The following TAGAP variants were observed in gnomAD, a reference collection of about 807,000 sequenced individuals.
TAGAP encodes T cell activation RhoGTPase activating protein.
A neutral mutation model predicts 36.0 loss-of-function variants in TAGAP; 16 were observed. That is an observed-to-expected ratio of 0.44 (90% CI 0.30 to 0.68). TAGAP has a LOEUF of 0.68. Among genes scored for constraint, TAGAP ranks in the 30% least tolerant of loss-of-function variants. The pLI, the probability that TAGAP is intolerant of heterozygous loss-of-function variation, is 0.09. For synonymous variants in TAGAP, 372 were observed against 377.4 expected (o/e 0.99, Z 0.17); for missense variants, 794 against 921.5 (o/e 0.86, Z 1.79).
rs1321637120 is a variant in TAGAP at position 159,044,033 on chromosome 6, T to C, written c.28-2A>G. The C allele has an allele frequency of 6.2e-7, 1 of 1,613,740 alleles. No individual in the cohort carries two copies. The highest frequency in any genetic ancestry group is 1.3e-5 in the African/African-American group (1 of 75,034). On this transcript the variant is annotated splice_acceptor_variant, in intron 2 of 9. Coordinates refer to ENST00000367066, the MANE Select transcript of TAGAP (RefSeq NM_054114.5). LOFTEE classifies it high-confidence loss of function. ...ATTATTGGCGTTTAGTGTTTTTGAC[T>C]AAAAGAGAAAAAATAAAATTAGGTA...
chr6:159,040,125 T>C (rs913046927), intron 7 of TAGAP, among the ~76,000 whole-genome samples: 1 of 152,188 alleles, frequency 6.6e-6, no homozygotes, highest in African/African-American at 2.4e-5. Flanking sequence ...AAAGCTTGGG[T>C]TTTAGAATTC....
rs1779499298 is a variant in TAGAP, at chr6:159,035,596, A to T, written c.*231T>A. 2 of 458,046 alleles carry T rather than the reference A, an allele frequency of 4.4e-6. No homozygotes were observed. Among genetic ancestry groups the T allele is most frequent in the Non-Finnish European group, 3.9e-6 (1 of 256,108 alleles). The allele number at this position is 458,046 out of a possible 1,614,324, so 28.4% of individuals were successfully genotyped here. On this transcript the variant is annotated 3_prime_UTR_variant, in exon 10 of 10. Coordinates refer to ENST00000367066, the MANE Select transcript of TAGAP (RefSeq NM_054114.5). ...GATTATTAGACATCCTTTGCACCTA[A>T]CACCTTATCTATAATACATTTGATA...
At chr6:159,042,451 G>T in intron 4 of TAGAP, 4 of 1,149,306 alleles carry the variant, frequency 3.5e-6, no homozygotes, top group Admixed American at 3.4e-5. Flanking sequence ...TGTTACCAGG[G>T]CAACCAGTTC....
rs73800143 is a variant in TAGAP at position 159,039,718 on chromosome 6, C to T, written c.588-409G>A. ...TGGTTTTCTTGCCTTAAAACAAAGA[C>T]GGAAACAAAACTATAATTACCAAAC... On this transcript the variant is annotated intron_variant, in intron 7 of 9. Transcript: ENST00000367066. Among the ~76,000 whole-genome samples, 837 of 152,218 alleles carry T rather than the reference C, an allele frequency of 5.5e-3. 5 individuals are homozygous for T. Among genetic ancestry groups the T allele is most frequent in the African/African-American group, 0.019 (807 of 41,522 alleles).
chr6:159,036,030 C>G lies in TAGAP; in HGVS notation c.1993G>C (p.Glu665Gln), dbSNP rs762848425. The stretch of plus-strand genomic sequence containing the variant: ...ACAGTTCTGCTCTGTTTCCATCGCT[C>G]AGGCAGGGGAGAGAGTCCGTGGCCA... ...LPGHGLSPLP[E>Q]RWKQSRTVHA... Residue 665 changes from glutamate to glutamine, a missense_variant, in exon 10 of 10, where the codon GAG becomes CAG. Coordinates refer to ENST00000367066, the MANE Select transcript of TAGAP (RefSeq NM_054114.5). The surrounding 1 kb of genome is among the most constrained non-coding windows in gnomAD (Gnocchi z 4.9). 15 of 1,611,550 alleles carry G rather than the reference C, an allele frequency of 9.3e-6. No homozygotes were observed. The highest frequency in any genetic ancestry group is 1.3e-5 in the Non-Finnish European group (15 of 1,177,892).
Position 159,036,969 on chromosome 6 carries a change from C to T in TAGAP, c.1054G>A (p.Glu352Lys). 6.2e-7 allele frequency: 1 copy of T among 1,613,780 alleles called. No individual in the cohort carries two copies. Among genetic ancestry groups the T allele is most frequent in the Non-Finnish European group, 8.5e-7 (1 of 1,179,892 alleles). The change falls in exon 10 of 10, where the codon GAG (glutamate) becomes AAG (lysine). Residue 352 changes from glutamate (E) to lysine (K), a missense_variant. By Grantham distance (56) the Glu-to-Lys change is moderately conservative (BLOSUM62 1). Coordinates refer to ENST00000367066, the MANE Select transcript of TAGAP (RefSeq NM_054114.5). The surrounding 1 kb of genome is among the most constrained non-coding windows in gnomAD (Gnocchi z 4.9). ...LDSAGPQDAR[E>K]VSPEPIVSTV... ...CTCACAATGGGCTCTGGGCTGACCT[C>T]TCGGGCATCCTGTGGGCCCGCGCTA...
rs764367677 is a variant in TAGAP, at chr6:159,041,354, C to T, written c.477G>A (p.Lys159=). 4.3e-6 allele frequency: 7 copies of T among 1,613,182 alleles called. No homozygotes were observed. The East Asian group carries it at 1.1e-4, about 26-fold the overall frequency. The change falls in exon 6 of 10, where the codon AAG becomes AAA. Residue 159 remains lysine, a splice_region_variant and synonymous_variant. Coordinates refer to ENST00000367066, the MANE Select transcript of TAGAP (RefSeq NM_054114.5). This position sits in a 1 kb window ranked among gnomAD's most constrained non-coding sequence, Gnocchi z 4.1. ...TTTGGCGCAAGTGTGTTGAACTCACCTTAAAGACCACAGCGAGGAGGTGCA... is the reference window on the plus strand; with the variant it reads ...TTTGGCGCAAGTGTGTTGAACTCACTTTAAAGACCACAGCGAGGAGGTGCA... ...LPVHLLAVVF[K]DFLRSIPRKL...
At chr6:159,039,687 C>T (rs1010201018) in intron 7 of TAGAP, among the ~76,000 whole-genome samples, 1 of 152,186 alleles carries the variant, frequency 6.6e-6, no homozygotes, top group Non-Finnish European at 1.5e-5. Context: ...TCTAACACGA[C>T]TAGACTGGTT....
intron 4 of TAGAP, among the ~76,000 whole-genome samples, chr6:159,043,209 G>T (rs1779817707): frequency 6.6e-6 from 1 of 152,202 alleles, no homozygotes; most frequent in African/African-American, 2.4e-5. Flanking sequence ...GGTCCTTTGG[G>T]ATTTGAGATC....
intron 7 of TAGAP, among the ~76,000 whole-genome samples, chr6:159,040,174 T>G (rs1210401761): frequency 6.6e-6 from 1 of 152,230 alleles, no homozygotes; most frequent in Admixed American, 6.5e-5. Context: ...TTGCATATGT[T>G]ATTATTTTTA....
rs1032627413 is a variant in TAGAP at position 159,042,186 on chromosome 6, A to G, written c.207T>C (p.Pro69=). 2.2e-5 allele frequency: 35 copies of G among 1,614,096 alleles called. No homozygotes were observed. Among genetic ancestry groups the G allele is most frequent in the Non-Finnish European group, 2.8e-5 (33 of 1,180,048 alleles). Residue 69 remains proline, a synonymous_variant, in exon 5 of 10, where the codon CCT becomes CCC. Transcript: ENST00000367066. ...SWPFLMRRLS[P]ASDFSGALET... ...CCAAAGCCCCAGAAAAATCTGATGC[A>G]GGGGAGAGCCTTCTCATGAGAAAGG...
Position 159,039,016 on chromosome 6 carries a change from G to C in TAGAP, c.783+98C>G. Reference sequence around the variant, plus strand: ...TTTTATATTTTCACTGTGATTCTGAGTCAGTTGGAGACATTCTGAAGCATT... The same window carrying C: ...TTTTATATTTTCACTGTGATTCTGACTCAGTTGGAGACATTCTGAAGCATT... On this transcript the variant is annotated intron_variant, in intron 8 of 9. Transcript: ENST00000367066. 1.9e-6 allele frequency: 3 copies of C among 1,592,252 alleles called. No individual in the cohort carries two copies. The South Asian group carries it at 3.3e-5, about 18-fold the overall frequency.
At position 159,035,646 on chromosome 6, in the gene TAGAP, A is replaced by G; in HGVS notation, c.*181T>C. The G allele has an allele frequency of 1.7e-6, 1 of 579,372 alleles. No homozygotes were observed. Among genetic ancestry groups the G allele is most frequent in the South Asian group, 2.6e-5 (1 of 38,678 alleles). The allele number at this position is 579,372 out of a possible 1,614,324, so 35.9% of individuals were successfully genotyped here. On this transcript the variant is annotated 3_prime_UTR_variant, in exon 10 of 10. Coordinates refer to ENST00000367066, the MANE Select transcript of TAGAP (RefSeq NM_054114.5). ...ACATTTTTACATATTGCACAAATCC[A>G]GGTACACAGAGACTATCTGATGCGC...
In TAGAP at chr6:159,037,156, G is replaced by A; in HGVS notation, c.899-32C>T. On this transcript the variant is annotated intron_variant, in intron 9 of 9. Transcript: ENST00000367066. The surrounding 1 kb of genome is among the most constrained non-coding windows in gnomAD (Gnocchi z 5.1). ...GAAGTCAAGCAGCAGTTGAACATTT[G>A]TTTGGGTTTATTTATTTATTTATTT... 1 of 1,527,056 alleles carries A rather than the reference G, an allele frequency of 6.5e-7. No homozygotes were observed. Among genetic ancestry groups the A allele is most frequent in the Non-Finnish European group, 8.8e-7 (1 of 1,141,390 alleles). The allele number at this position is 1,527,056 out of a possible 1,614,324, so 94.6% of individuals were successfully genotyped here. A position where few individuals can be genotyped will look rare whatever the true frequency, so the allele number is the denominator to read the frequency against.
rs935456871 is a variant in TAGAP at position 159,037,108 on chromosome 6, C to T, written c.915G>A (p.Gln305=). 3.1e-6 allele frequency: 5 copies of T among 1,610,372 alleles called. No homozygotes were observed. The highest frequency in any genetic ancestry group is 1.1e-5 in the South Asian group (1 of 91,026). ...HTDSSDVSTL[Q]NDSAYDSNDP... ...CGTTGCTGTCGTAGGCTGAGTCATT[C>T]TGCAGGGTCGACACATCTGGGGGAA... Residue 305 remains glutamine, a synonymous_variant, in exon 10 of 10, where the codon CAG becomes CAA. Transcript: ENST00000367066. This position sits in a 1 kb window ranked among gnomAD's most constrained non-coding sequence, Gnocchi z 5.1.
At chr6:159,042,604 G>T in intron 4 of TAGAP, 1 of 183,826 alleles carries the variant, frequency 5.4e-6, no homozygotes, top group Admixed American at 5.7e-5. Flanking sequence ...AATAACTATA[G>T]AGGAAATTTC....
In TAGAP at chr6:159,036,351, C is replaced by G; in HGVS notation, c.1672G>C (p.Gly558Arg). Residue 558 changes from glycine (G) to arginine (R), a missense_variant, in exon 10 of 10, where the codon GGG becomes CGG. Coordinates refer to ENST00000367066, the MANE Select transcript of TAGAP (RefSeq NM_054114.5). The surrounding 1 kb of genome is among the most constrained non-coding windows in gnomAD (Gnocchi z 4.9). ...GCTGTTTGGTTGTGGGTTTCACACC[C>G]ATTTTCCTGCACGATTCGGCCGGCA... ...QLAGRIVQEN[G>R]CETHNQTARG... The G allele has an allele frequency of 1.2e-6, 2 of 1,614,010 alleles. No homozygotes were observed. The highest frequency in any genetic ancestry group is 2.2e-5 in the South Asian group (2 of 91,060).
chr6:159,038,072 C>T (rs201081350), intron 9 of TAGAP, 42 bp downstream of exon 9: 5 of 1,372,306 alleles, frequency 3.6e-6, no homozygotes, highest in Non-Finnish European at 5.1e-6. Context: ...CTGGCATGAA[C>T]TTTTCCCTAC....
Position 159,036,772 on chromosome 6 carries a change from C to A in TAGAP, c.1251G>T (p.Glu417Asp). 6.2e-7 allele frequency: 1 copy of A among 1,614,194 alleles called. No homozygotes were observed. Among genetic ancestry groups the A allele is most frequent in the Non-Finnish European group, 8.5e-7 (1 of 1,180,036 alleles). The change falls in exon 10 of 10, where the codon GAG becomes GAT. Residue 417 changes from glutamate to aspartate, a missense_variant. Glu to Asp is a conservative substitution (Grantham distance 45). Transcript: ENST00000367066. The surrounding 1 kb of genome is among the most constrained non-coding windows in gnomAD (Gnocchi z 4.9). ...CCTCCTCTGGAAATGGGTCTTCAGC[C>A]TCCTCACTTTCCAAACGAGAGCCTA... Reference protein sequence around the residue: ...PRVGSRLESEEAEDPFPEEVF... With the variant: ...PRVGSRLESEDAEDPFPEEVF...
Sources: allele counts gnomAD v4.1 joint callset (sites outside exome capture counted in the v4.1 genomes callset), GRCh38; gene constraint gnomAD v4.1.1; non-coding constraint Gnocchi (gnomAD v3.1); transcripts MANE v1.5; gene names NCBI Gene and HGNC (gene_info 2026-07-23, HGNC 2026-07-21).